The following FGFR2 variants were observed in gnomAD, a reference collection of about 807,000 sequenced individuals.
The protein encoded by FGFR2 is fibroblast growth factor receptor 2.
A neutral mutation model predicts 95.9 loss-of-function variants in FGFR2; 19 were observed. The ratio of observed to expected loss-of-function variants is 0.20; its 90% CI spans 0.14 to 0.29. The LOEUF (loss-of-function observed/expected upper bound fraction) is 0.29, where lower values mean the gene tolerates loss of function less well. FGFR2 is among the 10% of genes least tolerant of loss of function. The pLI, the probability that FGFR2 is intolerant of heterozygous loss-of-function variation, is 1.00. For synonymous variants in FGFR2, 392 were observed against 393.3 expected (o/e 1.00, Z 0.04); for missense variants, 707 against 1,056.9 (o/e 0.67, Z 4.59).
At chr10:121,559,341 G>A (rs1291399176) in intron 4 of FGFR2, among the ~76,000 whole-genome samples, 3 of 152,104 alleles carry the variant, frequency 2.0e-5, no homozygotes, top group Admixed American at 6.5e-5. Context: ...CCTATTAATC[G>A]GGTCAGGCAT....
intron 2 of FGFR2, among the ~76,000 whole-genome samples, chr10:121,581,019 C>T (rs1007820103): frequency 6.6e-6 from 1 of 152,194 alleles, no homozygotes; most frequent in African/African-American, 2.4e-5. Flanking sequence ...CCTGACTCCC[C>T]TGGCCGCCCT....
chr10:121,537,070 A>G (rs1484784584), intron 6 of FGFR2, among the ~76,000 whole-genome samples: 1 of 152,198 alleles, frequency 6.6e-6, no homozygotes, highest in Non-Finnish European at 1.5e-5. Context: ...TTTGAGTGTT[A>G]CTTCTCTTTT....
At chr10:121,500,997 A>G in intron 10 of FGFR2, 50 bp from the exon 11 acceptor site, 1 of 1,609,772 alleles carries the variant, frequency 6.2e-7, no homozygotes. Context: ...GATGGGGTGT[A>G]GTGAGGGAAA....
chr10:121,587,127 G>A (rs944691022), intron 2 of FGFR2, among the ~76,000 whole-genome samples: 5 of 152,072 alleles, frequency 3.3e-5, no homozygotes, highest in African/African-American at 1.2e-4. Context: ...TCTGATCTTC[G>A]ACAAAACTGA....
intron 2 of FGFR2, among the ~76,000 whole-genome samples, chr10:121,572,419 G>T (rs560643420): frequency 6.6e-6 from 1 of 152,074 alleles, no homozygotes; most frequent in Non-Finnish European, 1.5e-5. Flanking sequence ...TCAGAAGTTC[G>T]AGACCAGCCT....
intron 17 of FGFR2, chr10:121,482,198 A>G (rs758635444): frequency 1.9e-6 from 3 of 1,611,132 alleles, no homozygotes; most frequent in Non-Finnish European, 2.5e-6. Context: ...AAAAACAGGG[A>G]TATCAGTAGA....
intron 5 of FGFR2, among the ~76,000 whole-genome samples, chr10:121,543,372 T>C (rs749496145): frequency 1.2e-4 from 19 of 152,112 alleles, no homozygotes; most frequent in Non-Finnish European, 1.9e-4. Flanking sequence ...TAGTCAGGCA[T>C]GGTAGCAGGT....
At chr10:121,498,126 A>G (rs1255141108) in intron 12 of FGFR2, among the ~76,000 whole-genome samples, 9 of 152,202 alleles carry the variant, frequency 5.9e-5, no homozygotes, top group Admixed American at 5.9e-4. Flanking sequence ...CCCTGTTTTA[A>G]GGGAAGAACT....
chr10:121,496,171 T>C (rs933080207), intron 13 of FGFR2, among the ~76,000 whole-genome samples: 1 of 134,742 alleles, frequency 7.4e-6, no homozygotes, highest in South Asian at 2.4e-4. Context: ...AACCACAAAA[T>C]AAATGAAGCT....
At position 121,591,369 on chromosome 10, in the gene FGFR2, T is replaced by A. The variant is rs942464449; in HGVS notation, c.109+2340A>T. Among the ~76,000 whole-genome samples, 16 of 152,252 alleles carry A rather than the reference T, an allele frequency of 1.1e-4. 1 individual carries two copies. Among genetic ancestry groups the A allele is most frequent in the Non-Finnish European group, 2.4e-4 (16 of 68,050 alleles). On this transcript the variant is annotated intron_variant, in intron 2 of 17. Coordinates refer to ENST00000358487, the MANE Select transcript of FGFR2 (RefSeq NM_000141.5). The stretch of plus-strand genomic sequence containing the variant: ...CAGCCCACGGGACTGGGAAGACCCA[T>A]GTTCCCAGCTCCCTGGCGACAACGG...
chr10:121,536,954 T>C (rs1852921189), intron 6 of FGFR2, among the ~76,000 whole-genome samples: 1 of 152,224 alleles, frequency 6.6e-6, no homozygotes. Flanking sequence ...TTACGTCACA[T>C]TCGGTACACA....
chr10:121,578,762 T>C (rs1225182143), intron 2 of FGFR2, among the ~76,000 whole-genome samples: 1 of 152,092 alleles, frequency 6.6e-6, no homozygotes, highest in African/African-American at 2.4e-5. Context: ...ATGCAAAAAT[T>C]AGCCAGGTCT....
At chr10:121,577,134 CAAAAAAAAA>C (rs1169487586) in intron 2 of FGFR2, among the ~76,000 whole-genome samples, 1 of 3,952 alleles carries the variant, frequency 2.5e-4, no homozygotes, top group African/African-American at 1.6e-3. Context: ...GACTCCATCT[CAAAAAAAAA>C]AAAAAAAAAA....
intron 2 of FGFR2, among the ~76,000 whole-genome samples, chr10:121,570,038 G>A (rs945936079): frequency 1.1e-4 from 16 of 152,214 alleles, no homozygotes; most frequent in African/African-American, 3.9e-4. Context: ...GGGGCCAAAT[G>A]CCACACTGGT....
intron 16 of FGFR2, among the ~76,000 whole-genome samples, chr10:121,484,838 C>T (rs147728492): frequency 4.3e-4 from 65 of 152,330 alleles, no homozygotes; most frequent in African/African-American, 1.5e-3. Flanking sequence ...TAACCAAACA[C>T]GAGTTCCTTC....
intron 9 of FGFR2, among the ~76,000 whole-genome samples, chr10:121,506,886 G>T (rs1435484687): frequency 3.3e-5 from 5 of 152,222 alleles, no homozygotes; most frequent in Non-Finnish European, 5.9e-5. Context: ...TCTAGAAGAA[G>T]TACTTTATTT....
chr10:121,551,530 G>A (rs1209096196), intron 4 of FGFR2, 71 bp from the exon 5 acceptor site: 6 of 1,397,420 alleles, frequency 4.3e-6, no homozygotes, highest in African/African-American at 1.4e-5. Flanking sequence ...CTCCAAACAG[G>A]TAAGATCATT....
Position 121,479,964 on chromosome 10 carries a change from T to C in FGFR2, c.2359A>G (p.Arg787Gly). The part of the protein sequence containing the change: ...EQYSPSYPDT[R>G]SSCSSGDDSV... Reference sequence around the variant, plus strand: ...TCATCTCCTGAAGAACAAGAACTTCTTGTGTCAGGGTAACTAGGTGAATAC... The same window carrying C: ...TCATCTCCTGAAGAACAAGAACTTCCTGTGTCAGGGTAACTAGGTGAATAC... Residue 787 changes from arginine (R) to glycine (G), a missense_variant, in exon 18 of 18, where the codon AGA becomes GGA. Around this residue, in one of 7 missense-constraint regions of FGFR2, gnomAD observed 51 missense variants for 50.2 expected, o/e 1.01. Transcript: ENST00000358487. 2 of 1,614,178 alleles carry C rather than the reference T, an allele frequency of 1.2e-6. No homozygotes were observed. Among genetic ancestry groups the C allele is most frequent in the Middle Eastern group, 1.6e-4 (1 of 6,062 alleles).
chr10:121,559,483 C>G (rs766489933), intron 4 of FGFR2, among the ~76,000 whole-genome samples: 1 of 152,366 alleles, frequency 6.6e-6, no homozygotes, highest in Admixed American at 6.5e-5. Context: ...CCAGGCTGCA[C>G]CTGTGAATCA....
Sources: allele counts gnomAD v4.1 joint callset (sites outside exome capture counted in the v4.1 genomes callset), GRCh38; gene constraint gnomAD v4.1.1; regional missense constraint gnomAD v4.1.1; transcripts MANE v1.5; gene names NCBI Gene and HGNC (gene_info 2026-07-23, HGNC 2026-07-21).